CPPED1: variants seen among roughly 807,000 people sequenced by gnomAD.
CPPED1 encodes calcineurin like phosphoesterase domain containing 1, also known as serine/threonine-protein phosphatase CPPED1.
In CPPED1, 28 loss-of-function variants were observed where a neutral mutation model predicts 28.0. The ratio of observed to expected loss-of-function variants is 1.00; its 90% CI spans 0.74 to 1.37. The LOEUF (loss-of-function observed/expected upper bound fraction) is 1.37. Ranked by LOEUF, CPPED1 falls within the 40% of genes most tolerant of loss-of-function variation. The pLI, the probability that CPPED1 is intolerant of heterozygous loss-of-function variation, is 0.00. For missense variants in CPPED1, 504 were observed against 416.5 expected, an observed-to-expected ratio of 1.21 and a Z score of -1.83; for synonymous variants, 198 against 180.2, an observed-to-expected ratio of 1.10 and a Z score of -0.79.
chr16:12,747,716 C>G (rs2080299672), intron 2 of CPPED1, among the ~76,000 whole-genome samples: 1 of 152,140 alleles, frequency 6.6e-6, no homozygotes, highest in Non-Finnish European at 1.5e-5. Context: ...CCGCGCCCGG[C>G]CTTAACGAGG....
At chr16:12,803,248 T>C (rs13339146) in intron 1 of CPPED1, among the ~76,000 whole-genome samples, 2,123 of 152,236 alleles carry the variant, frequency 0.014, 64 homozygotes, top group African/African-American at 0.049. Flanking sequence ...TAAACGTCAT[T>C]ATGGAGTACA....
chr16:12,789,809 G>A (rs896369553), intron 1 of CPPED1, among the ~76,000 whole-genome samples: 9 of 152,148 alleles, frequency 5.9e-5, no homozygotes, highest in Non-Finnish European at 1.3e-4. Context: ...TTACAGCCAT[G>A]AGCCACTGCA....
At chr16:12,732,959 A>G (rs1234959453) in intron 2 of CPPED1, among the ~76,000 whole-genome samples, 3 of 152,184 alleles carry the variant, frequency 2.0e-5, no homozygotes, top group Admixed American at 1.3e-4. Context: ...AAATCCTAAG[A>G]TCACAGCTGT....
intron 1 of CPPED1, among the ~76,000 whole-genome samples, chr16:12,788,514 A>T (rs909795326): frequency 1.3e-5 from 2 of 151,954 alleles, no homozygotes; most frequent in African/African-American, 4.8e-5. Flanking sequence ...TGCTGGAAGG[A>T]CTCTCAGAGT....
chr16:12,668,173 G>C (rs541056674), intron 3 of CPPED1, among the ~76,000 whole-genome samples: 50 of 152,170 alleles, frequency 3.3e-4, no homozygotes, highest in African/African-American at 1.2e-3. Flanking sequence ...AAAACTAAAA[G>C]TTTACCACGT....
Position 12,709,123 on chromosome 16 carries a change from A to G in CPPED1, c.290-4074T>C, listed in dbSNP as rs2080066550. ...TATGAGAACCCAAAGCCCAAAGCCA[A>G]CCTCACCAGCATCATGAACAGAAAA... On this transcript the variant is annotated intron_variant, in intron 2 of 3. Transcript: ENST00000381774. The surrounding 1 kb of genome is among the most constrained non-coding windows in gnomAD (Gnocchi z 4.4). Among the ~76,000 whole-genome samples, 1 of 152,144 alleles carries G rather than the reference A, an allele frequency of 6.6e-6. No individual in the cohort carries two copies. The highest frequency in any genetic ancestry group is 2.4e-5 in the African/African-American group (1 of 41,426).
At chr16:12,746,841 GT>G (rs2080291997) in intron 2 of CPPED1, among the ~76,000 whole-genome samples, 1 of 152,110 alleles carries the variant, frequency 6.6e-6, no homozygotes, top group African/African-American at 2.4e-5. Context: ...ACTGTGAGAA[GT>G]TAAAGATGTA....
chr16:12,741,937 A>G (rs12051156), intron 2 of CPPED1, among the ~76,000 whole-genome samples: 85,454 of 151,526 alleles, frequency 0.56, 24,240 homozygotes, highest in Admixed American at 0.63. Flanking sequence ...TTCGTGGCAC[A>G]TGACTGTAAT....
At chr16:12,693,798 T>C (rs1473375655) in intron 3 of CPPED1, among the ~76,000 whole-genome samples, 2 of 152,198 alleles carry the variant, frequency 1.3e-5, no homozygotes, top group Non-Finnish European at 2.9e-5. Context: ...TGAAACATGA[T>C]CTCAAAGGAG....
intron 1 of CPPED1, among the ~76,000 whole-genome samples, chr16:12,796,236 G>A (rs1021509186): frequency 1.3e-5 from 2 of 152,056 alleles, no homozygotes; most frequent in African/African-American, 4.8e-5. Context: ...GCTCATGCCT[G>A]TAATCCCAGC....
intron 2 of CPPED1, among the ~76,000 whole-genome samples, chr16:12,746,593 A>C (rs2080289886): frequency 6.6e-6 from 1 of 152,078 alleles, no homozygotes; most frequent in African/African-American, 2.4e-5. Flanking sequence ...AGAAATGGCA[A>C]CTATGTGGGC....
rs1402717808 is a variant in CPPED1, at chr16:12,663,571, C to A, written c.*1315G>T. 1 of 152,176 alleles carries A rather than the reference C, an allele frequency of 6.6e-6. No homozygotes were observed. The highest frequency in any genetic ancestry group is 6.5e-5 in the Admixed American group (1 of 15,288). The allele number at this position is 152,176 out of a possible 1,614,324, so 9.4% of individuals were successfully genotyped here. A position where few individuals can be genotyped will look rare whatever the true frequency, so the allele number is the denominator to read the frequency against. On this transcript the variant is annotated 3_prime_UTR_variant, in exon 4 of 4. Transcript: ENST00000381774. The stretch of plus-strand genomic sequence containing the variant: ...GCCTATTGTATAATTAACTTCTCGT[C>A]TTTTGTTCCTTATGAATTTACATAT...
At chr16:12,747,052 C>CA (rs2080293645) in intron 2 of CPPED1, among the ~76,000 whole-genome samples, 1 of 145,278 alleles carries the variant, frequency 6.9e-6, no homozygotes, top group Non-Finnish European at 1.5e-5. Context: ...AGTTTACTCC[C>CA]AAAAAATAAA....
At position 12,682,530 on chromosome 16, in the gene CPPED1, A is replaced by G. The variant is rs149940761; in HGVS notation, c.716-17415T>C. Reference sequence around the variant, plus strand: ...GTTGGGAGACTCAGGCGTGAACCTCAGTTCTGCTGTTGCTGAGCTGTGTAG... The same window carrying G: ...GTTGGGAGACTCAGGCGTGAACCTCGGTTCTGCTGTTGCTGAGCTGTGTAG... On this transcript the variant is annotated intron_variant, in intron 3 of 3. Transcript: ENST00000381774. This position sits in a 1 kb window ranked among gnomAD's most constrained non-coding sequence, Gnocchi z 6.1. Among the ~76,000 whole-genome samples, 398 of 152,274 alleles carry G rather than the reference A, an allele frequency of 2.6e-3. 2 individuals carry two copies. Among genetic ancestry groups the G allele is most frequent in the African/African-American group, 9.0e-3 (374 of 41,554 alleles).
chr16:12,776,242 A>T (rs1222601178), intron 2 of CPPED1, among the ~76,000 whole-genome samples: 1 of 152,148 alleles, frequency 6.6e-6, no homozygotes, highest in African/African-American at 2.4e-5. Flanking sequence ...CAAGAAACGC[A>T]GTTGGCCTCT....
intron 2 of CPPED1, among the ~76,000 whole-genome samples, chr16:12,716,275 T>C (rs2054198202): frequency 6.6e-6 from 1 of 152,224 alleles, no homozygotes; most frequent in Non-Finnish European, 1.5e-5. Context: ...CTATAAGGTA[T>C]GTACACACTT....
intron 2 of CPPED1, among the ~76,000 whole-genome samples, chr16:12,771,730 C>T (rs929988869): frequency 3.3e-5 from 5 of 152,176 alleles, no homozygotes; most frequent in African/African-American, 1.2e-4. Context: ...CACAGAAAAA[C>T]AAAGGGCTTT....
At chr16:12,725,329 A>C (rs1320818211) in intron 2 of CPPED1, among the ~76,000 whole-genome samples, 1 of 152,180 alleles carries the variant, frequency 6.6e-6, no homozygotes, top group Non-Finnish European at 1.5e-5. Context: ...TCCTGACCTC[A>C]AGTGATCTGG....
intron 2 of CPPED1, among the ~76,000 whole-genome samples, chr16:12,779,625 A>G (rs2080517946): frequency 6.6e-6 from 1 of 152,050 alleles, no homozygotes; most frequent in African/African-American, 2.4e-5. Context: ...CCTGACCTCA[A>G]GTGATCCACC....
Sources: gnomAD v4.1 joint callset for allele counts (sites outside exome capture counted in the v4.1 genomes callset) on GRCh38, gnomAD v4.1.1 for gene constraint, Gnocchi (gnomAD v3.1) non-coding constraint, MANE v1.5 for transcripts, NCBI Gene and HGNC (gene_info 2026-07-23, HGNC 2026-07-21) for gene names.